CMSS1: variants seen among roughly 807,000 people sequenced by gnomAD.
The protein encoded by CMSS1 is cms1 ribosomal small subunit homolog.
In CMSS1, 33 loss-of-function variants were observed where a neutral mutation model predicts 43.5. The ratio of observed to expected loss-of-function variants is 0.76; its 90% confidence interval spans 0.57 to 1.01. The LOEUF (loss-of-function observed/expected upper bound fraction) is 1.01, where lower values mean the gene tolerates loss of function less well. CMSS1 is among the 50% of genes least tolerant of loss of function. The pLI, the probability that CMSS1 is intolerant of heterozygous loss-of-function variation, is 0.00. For synonymous variants in CMSS1, 115 were observed against 117.2 expected (o/e 0.98, Z 0.12); for missense variants, 313 against 326.4 (o/e 0.96, Z 0.32).
At chr3:100,162,790 A>G (rs916299738) in intron 4 of CMSS1, among the ~76,000 whole-genome samples, 1 of 152,214 alleles carries the variant, frequency 6.6e-6, no homozygotes, top group Non-Finnish European at 1.5e-5. Flanking sequence ...ACTGGCCAAC[A>G]TAGTGAAACC....
chr3:100,019,143 G>A (rs1328189290), intron 1 of CMSS1, among the ~76,000 whole-genome samples: 1 of 152,066 alleles, frequency 6.6e-6, no homozygotes, highest in Non-Finnish European at 1.5e-5. Flanking sequence ...ATAAAAATAG[G>A]TCTACCTTAT....
intron 1 of CMSS1, among the ~76,000 whole-genome samples, chr3:100,005,994 G>A (rs1263886930): frequency 6.6e-6 from 1 of 152,148 alleles, no homozygotes; most frequent in Non-Finnish European, 1.5e-5. Flanking sequence ...AATGGAGAAT[G>A]GTAGAGAAGG....
At chr3:99,824,843 G>C (rs895364927) in intron 1 of CMSS1, among the ~76,000 whole-genome samples, 2 of 152,198 alleles carry the variant, frequency 1.3e-5, no homozygotes, top group Non-Finnish European at 2.9e-5. Flanking sequence ...TTGTCACCTA[G>C]AATCAATGTG....
chr3:99,843,633 C>T (rs1384739459), intron 1 of CMSS1, among the ~76,000 whole-genome samples: 2 of 152,184 alleles, frequency 1.3e-5, no homozygotes, highest in Non-Finnish European at 2.9e-5. Context: ...AATATCATGG[C>T]TTTGCCTAGC....
At chr3:100,089,778 A>G (rs1235939027) in intron 1 of CMSS1, among the ~76,000 whole-genome samples, 1 of 152,208 alleles carries the variant, frequency 6.6e-6, no homozygotes, top group African/African-American at 2.4e-5. Flanking sequence ...TAATTGAGGA[A>G]GATTTAGTCA....
chr3:99,897,218 G>T (rs565164725), intron 1 of CMSS1, among the ~76,000 whole-genome samples: 10 of 152,188 alleles, frequency 6.6e-5, no homozygotes, highest in Non-Finnish European at 8.8e-5. Flanking sequence ...AATTAACCGG[G>T]TGTTGTGGTG....
intron 1 of CMSS1, among the ~76,000 whole-genome samples, chr3:99,991,948 G>A (rs1422195424): frequency 1.4e-5 from 2 of 144,946 alleles, no homozygotes; most frequent in Non-Finnish European, 3.0e-5. Context: ...GTGTATATAT[G>A]TGTATATATG....
intron 1 of CMSS1, among the ~76,000 whole-genome samples, chr3:99,835,029 C>T (rs1196930995): frequency 6.6e-6 from 1 of 152,132 alleles, no homozygotes; most frequent in Non-Finnish European, 1.5e-5. Context: ...TGTCTTTTTC[C>T]TTATATCACT....
chr3:100,027,156 C>A (rs1199542360), intron 1 of CMSS1, among the ~76,000 whole-genome samples: 1 of 152,126 alleles, frequency 6.6e-6, no homozygotes, highest in Non-Finnish European at 1.5e-5. Context: ...TCCTTCCTCT[C>A]CACCTTCTCT....
At chr3:100,178,274 A>G (rs761504601) in intron 9 of CMSS1, 31 bp from the exon 10 acceptor site, 2 of 1,455,904 alleles carry the variant, frequency 1.4e-6, no homozygotes, top group Non-Finnish European at 9.6e-7. Flanking sequence ...CTTGATCTTA[A>G]TCTTTTTTTC....
At chr3:100,007,125 C>A (rs1710011084) in intron 1 of CMSS1, among the ~76,000 whole-genome samples, 1 of 152,070 alleles carries the variant, frequency 6.6e-6, no homozygotes, top group Non-Finnish European at 1.5e-5. Context: ...CATTCATTAG[C>A]CTATTGGTAA....
intron 1 of CMSS1, among the ~76,000 whole-genome samples, chr3:99,989,075 T>C (rs1709437684): frequency 6.6e-6 from 1 of 152,224 alleles, no homozygotes; most frequent in Admixed American, 6.5e-5. Flanking sequence ...TTACTTAGCA[T>C]TTGTTTTGTG....
chr3:100,148,924 A>G (rs141928007), intron 2 of CMSS1, among the ~76,000 whole-genome samples: 88 of 152,216 alleles, frequency 5.8e-4, no homozygotes, highest in African/African-American at 2.1e-3. Context: ...CTGGAAACCT[A>G]CAGGGTAACA....
At chr3:99,938,117 G>A (rs1707747426) in intron 1 of CMSS1, among the ~76,000 whole-genome samples, 1 of 152,064 alleles carries the variant, frequency 6.6e-6, no homozygotes, top group South Asian at 2.1e-4. Flanking sequence ...GCTGGGTGGG[G>A]AAGAAATGTT....
chr3:99,828,736 G>A (rs1381241055), intron 1 of CMSS1, among the ~76,000 whole-genome samples: 4 of 151,884 alleles, frequency 2.6e-5, no homozygotes, highest in South Asian at 2.1e-4. Flanking sequence ...GGTTACTGGC[G>A]TGAGCCACCA....
At chr3:99,897,599 A>G (rs1367310217) in intron 1 of CMSS1, among the ~76,000 whole-genome samples, 5 of 152,148 alleles carry the variant, frequency 3.3e-5, no homozygotes, top group African/African-American at 9.7e-5. Context: ...ATGCCTTATG[A>G]TGGAGTGCTG....
chr3:100,100,517 C>G (rs1311789114), intron 1 of CMSS1, among the ~76,000 whole-genome samples: 1 of 152,166 alleles, frequency 6.6e-6, no homozygotes, highest in Non-Finnish European at 1.5e-5. Flanking sequence ...AAATCCAGTT[C>G]AGCCTGGCTG....
chr3:99,951,376 C>CG (rs957328833), intron 1 of CMSS1, among the ~76,000 whole-genome samples: 75 of 152,106 alleles, frequency 4.9e-4, no homozygotes, highest in African/African-American at 1.8e-3. Context: ...GGGTACAGGA[C>CG]GTGGTCTGTT....
intron 1 of CMSS1, among the ~76,000 whole-genome samples, chr3:99,914,502 A>G (rs943959249): frequency 6.6e-6 from 1 of 152,172 alleles, no homozygotes; most frequent in African/African-American, 2.4e-5. Context: ...GATTCATGTC[A>G]TTAACATTCA....
Sources: allele counts gnomAD v4.1 joint callset (sites outside exome capture counted in the v4.1 genomes callset), GRCh38; gene constraint gnomAD v4.1.1; transcripts MANE v1.5; gene names NCBI Gene and HGNC (gene_info 2026-07-23, HGNC 2026-07-21).